The following TM2D3 variants were observed in gnomAD, a reference collection of about 807,000 sequenced individuals.
TM2D3 encodes TM2 domain containing 3, also known as TM2 domain-containing protein 3.
TM2D3 carries 33 observed loss-of-function variants against 27.3 expected under a neutral mutation model. The observed-to-expected ratio is 1.21, with a 90% CI of 0.92 to 1.61. TM2D3 has a LOEUF of 1.61. Ranked by LOEUF, TM2D3 falls within the 40% of genes most tolerant of loss-of-function variation. TM2D3 has a pLI of 0.00. For synonymous variants in TM2D3, 138 were observed against 122.2 expected (o/e 1.13, Z -0.85); for missense variants, 364 against 320.8 (o/e 1.13, Z -1.03).
intron 5 of TM2D3, 47 bp from the exon 6 acceptor site, chr15:101,642,691 G>T: frequency 6.7e-7 from 1 of 1,503,634 alleles, no homozygotes. Context: ...CTCCACCCCA[G>T]CTGTGGCCAG....
chr15:101,638,211 C>T (rs1896589817), downstream of TM2D3, among the ~76,000 whole-genome samples: 1 of 152,148 alleles, frequency 6.6e-6, no homozygotes, highest in Admixed American at 6.5e-5. Context: ...GCCCTTTTCA[C>T]TTCCCCCAGC....
intron 5 of TM2D3, 63 bp from the exon 6 acceptor site, chr15:101,642,707 G>A (rs950084214): frequency 2.1e-5 from 30 of 1,405,192 alleles, no homozygotes; most frequent in Non-Finnish European, 2.7e-5. Context: ...GCCAGTCACG[G>A]TTTAATCACC....
intron 1 of TM2D3, 179 bp downstream of exon 1, chr15:101,652,092 G>T: frequency 1.7e-6 from 1 of 584,472 alleles, no homozygotes; most frequent in Non-Finnish European, 2.9e-6. Flanking sequence ...GAGCGGAGGG[G>T]CGGCCTCGGG....
intron 3 of TM2D3, 137 bp from the exon 4 acceptor site, chr15:101,647,036 A>T (rs1896832604): frequency 2.5e-6 from 2 of 812,724 alleles, no homozygotes; most frequent in South Asian, 1.7e-5. Context: ...CCAGAAAAAC[A>T]GTTACCAAAA....
chr15:101,644,097 C>T (rs1201094484), intron 5 of TM2D3, among the ~76,000 whole-genome samples: 3 of 152,182 alleles, frequency 2.0e-5, no homozygotes, highest in Non-Finnish European at 2.9e-5. Flanking sequence ...CCGCCAGCCT[C>T]GGCCTCCCAA....
chr15:101,639,329 G>A, downstream of TM2D3, among the ~76,000 whole-genome samples: 1 of 151,710 alleles, frequency 6.6e-6, no homozygotes, highest in African/African-American at 2.4e-5. Flanking sequence ...GCAGAACAGA[G>A]GGGAAGCTTT....
chr15:101,646,757 T>C lies in TM2D3; in HGVS notation c.470A>G (p.Asn157Ser). 3.1e-6 allele frequency: 5 copies of C among 1,614,208 alleles called. No individual in the cohort carries two copies. Among genetic ancestry groups the C allele is most frequent in the South Asian group, 1.1e-5 (1 of 91,084 alleles). ...GTGGACGTGGTCCCGCACCGTGCAG[T>C]TGGCAGGGTAGCGCTGCCGAGGACA... ...VSCPRQRYPANCTVRDHVHCL... is the reference protein window; with the variant it reads ...VSCPRQRYPASCTVRDHVHCL... The change falls in exon 4 of 6, where the codon AAC becomes AGC. Residue 157 changes from asparagine (N) to serine (S), a missense_variant. Transcript: ENST00000333202.
At position 101,647,908 on chromosome 15, in the gene TM2D3, C is replaced by CT. The variant is rs1224156163; in HGVS notation, c.328-1010dup. Among the ~76,000 whole-genome samples the CT allele has an allele frequency of 2.0e-5, 3 of 149,520 alleles. No homozygotes were observed. In the East Asian group the frequency reaches 5.9e-4, roughly 29 times the overall value. ...ACACATACACACATTATTTTTTTTTCTTTTTTTGAGATGGAGTCTCGCTCT... is the reference window on the plus strand; with the variant it reads ...ACACATACACACATTATTTTTTTTTCTTTTTTTTGAGATGGAGTCTCGCTCT... On this transcript the variant is annotated intron_variant, in intron 3 of 5. Transcript: ENST00000333202.
chr15:101,640,094 G>A (rs1252500364), downstream of TM2D3, among the ~76,000 whole-genome samples: 2 of 152,216 alleles, frequency 1.3e-5, no homozygotes, highest in African/African-American at 4.8e-5. Context: ...TTCCCAACCT[G>A]TGTGAACAGG....
downstream of TM2D3, among the ~76,000 whole-genome samples, chr15:101,638,388 A>G (rs1896596358): frequency 6.6e-6 from 1 of 151,252 alleles, no homozygotes; most frequent in Non-Finnish European, 1.5e-5. Flanking sequence ...TCTGCCTCCC[A>G]GGTTCAAGCA....
chr15:101,648,807 T>C (rs569224921), intron 3 of TM2D3, among the ~76,000 whole-genome samples: 1 of 151,812 alleles, frequency 6.6e-6, no homozygotes, highest in South Asian at 2.1e-4. Context: ...CTTTTGAATC[T>C]TTTGCTTTAA....
At chr15:101,643,519 G>A (rs570994482) in intron 5 of TM2D3, among the ~76,000 whole-genome samples, 478 of 148,376 alleles carry the variant, frequency 3.2e-3, no homozygotes, top group African/African-American at 0.012. Context: ...GGAGAATGGC[G>A]TGAACCTGGG....
chr15:101,651,931 C>T (rs1896987473), intron 1 of TM2D3, 158 bp from the exon 2 acceptor site: 1 of 737,584 alleles, frequency 1.4e-6, no homozygotes, highest in East Asian at 2.5e-5. Context: ...AGGGACGAAA[C>T]GTCAACAGAG....
At position 101,642,390 on chromosome 15, in the gene TM2D3, CAT is replaced by C. The variant is rs986741663; in HGVS notation, c.*87_*88del. ...AAGTACAGATGCTGTACATTAAAAA[CAT>C]AGAAATATATCACTCACACCACATC... On this transcript the variant is annotated 3_prime_UTR_variant, in exon 6 of 6. Coordinates refer to ENST00000333202, the MANE Select transcript of TM2D3 (RefSeq NM_078474.3). The C allele has an allele frequency of 6.7e-5, 95 of 1,411,336 alleles. No homozygotes were observed. The highest frequency in any genetic ancestry group is 5.7e-4 in the African/African-American group (39 of 68,694). The allele number at this position is 1,411,336 out of a possible 1,614,324, so 87.4% of individuals were successfully genotyped here. A position where few individuals can be genotyped will look rare whatever the true frequency, so the allele number is the denominator to read the frequency against.
chr15:101,651,535 G>T, intron 2 of TM2D3, 161 bp downstream of exon 2: 1 of 664,764 alleles, frequency 1.5e-6, no homozygotes, highest in Non-Finnish European at 2.6e-6. Context: ...ACTATCTACT[G>T]AAAATGGCTG....
At chr15:101,645,830 A>G (rs1896791390) in intron 4 of TM2D3, 1 of 145,606 alleles carries the variant, frequency 6.9e-6, no homozygotes, top group East Asian at 1.9e-4. Context: ...AAAAAAATCA[A>G]AATCTGGGAG....
chr15:101,652,093 C>A (rs1896997823), intron 1 of TM2D3, 178 bp downstream of exon 1: 1 of 586,366 alleles, frequency 1.7e-6, no homozygotes. Context: ...AGCGGAGGGG[C>A]GGCCTCGGGC....
Position 101,642,489 on chromosome 15 carries a change from A to G in TM2D3, c.734T>C (p.Leu245Ser), listed in dbSNP as rs1453203431. 3.1e-6 allele frequency: 5 copies of G among 1,611,784 alleles called. No homozygotes were observed. Among genetic ancestry groups the G allele is most frequent in the Non-Finnish European group, 3.4e-6 (4 of 1,178,752 alleles). The change falls in exon 6 of 6, where the codon TTG becomes TCG. Residue 245 changes from leucine to serine, a missense_variant. Leu to Ser is a moderately radical substitution (Grantham distance 145). Transcript: ENST00000333202. Reference protein sequence around the residue: ...VGYVGPADGSLYI With the variant: ...VGYVGPADGSSYI The stretch of plus-strand genomic sequence containing the variant: ...AAGCACACACCACAGCTAAATGTAC[A>G]AAGAGCCATCTGCTGGTCCAACATA...
Position 101,650,010 on chromosome 15 carries a change from G to C in TM2D3, c.321C>G (p.Thr107=), listed in dbSNP as rs749223654. 1 of 1,613,532 alleles carries C rather than the reference G, an allele frequency of 6.2e-7. No homozygotes were observed. Among genetic ancestry groups the C allele is most frequent in the African/African-American group, 1.3e-5 (1 of 74,890 alleles). ...AGTAAGCTGCAGTACTTACAACACA[G>C]GTAACAGATGGTTTCACTGCACAGT... ...TFDCAVKPSV[T]CVDQDFKSQK... The change falls in exon 3 of 6, where the codon ACC becomes ACG. Residue 107 remains threonine (T), a synonymous_variant. Transcript: ENST00000333202.
Sources: allele counts gnomAD v4.1 joint callset (sites outside exome capture counted in the v4.1 genomes callset), GRCh38; gene constraint gnomAD v4.1.1; transcripts MANE v1.5; gene names NCBI Gene and HGNC (gene_info 2026-07-23, HGNC 2026-07-21).